EVC2: variants seen among roughly 807,000 people sequenced by gnomAD.
EVC2 encodes EvC ciliary complex subunit 2, also known as limbin.
A neutral mutation model predicts 149.3 loss-of-function variants in EVC2; 148 were observed. The ratio of observed to expected loss-of-function variants is 0.99; its 90% confidence interval spans 0.87 to 1.14. EVC2 has a LOEUF of 1.14. Among genes scored for constraint, EVC2 ranks in the 50% most tolerant of loss-of-function variants. The probability of loss-of-function intolerance (pLI) is 0.00; values close to 1 mark genes in which losing one functional copy is unlikely to be tolerated. For synonymous variants in EVC2, 776 were observed against 649.9 expected, an observed-to-expected ratio of 1.19 and a Z score of -2.95; for missense variants, 1,854 against 1,627.3, an observed-to-expected ratio of 1.14 and a Z score of -2.40.
chr4:5,682,186 C>T (rs973130958), intron 6 of EVC2, among the ~76,000 whole-genome samples: 17 of 152,156 alleles, frequency 1.1e-4, no homozygotes, highest in African/African-American at 4.1e-4. Flanking sequence ...TTAGCAGCAG[C>T]AGCAGCAGTA....
At chr4:5,706,433 G>GATAC (rs1176277863) in intron 1 of EVC2, among the ~76,000 whole-genome samples, 308 of 25,710 alleles carry the variant, frequency 0.012, 6 homozygotes, top group East Asian at 0.045. Flanking sequence ...TAGATACATA[G>GATAC]ATAGATAGAT....
chr4:5,664,081 T>C (rs532363313), intron 8 of EVC2, among the ~76,000 whole-genome samples: 1 of 152,336 alleles, frequency 6.6e-6, no homozygotes, highest in East Asian at 1.9e-4. Context: ...TTAACAATTC[T>C]TGTCCCTGTG....
the EVC2 span, among the ~76,000 whole-genome samples, chr4:5,529,124 C>A: frequency 2.6e-5 from 4 of 152,134 alleles, no homozygotes; most frequent in Admixed American, 1.3e-4. The surrounding 1 kb of genome is among the most constrained non-coding windows in gnomAD (Gnocchi z 4.5). Context: ...TGCCTCCTTG[C>A]TGAATGGGGC....
chr4:5,579,614 G>C (rs900918886), intron 17 of EVC2, among the ~76,000 whole-genome samples: 1 of 152,212 alleles, frequency 6.6e-6, no homozygotes, highest in African/African-American at 2.4e-5. Context: ...GGCCAAGGTG[G>C]GAGGATCACT....
chr4:5,668,593 G>T (rs1046399178), intron 7 of EVC2, among the ~76,000 whole-genome samples: 1 of 152,126 alleles, frequency 6.6e-6, no homozygotes. Context: ...TTGCATGGAG[G>T]TTATGTCAAA....
chr4:5,678,133 T>C (rs964582901), intron 7 of EVC2, among the ~76,000 whole-genome samples: 24 of 152,148 alleles, frequency 1.6e-4, no homozygotes, highest in African/African-American at 5.8e-4. Context: ...TTTGGGAGGG[T>C]TTCCACTATT....
chr4:5,708,035 C>T (rs961488854), intron 1 of EVC2: 3 of 397,432 alleles, frequency 7.5e-6, no homozygotes, highest in African/African-American at 4.2e-5. Flanking sequence ...AAATGGAGAG[C>T]AGGATTCGAA....
chr4:5,622,545 C>G lies in EVC2; in HGVS notation c.2493G>C (p.Leu831=). The change falls in exon 14 of 22, where the codon CTG becomes CTC. Residue 831 remains leucine, a synonymous_variant. Transcript: ENST00000344408. The surrounding 1 kb of genome is among the most constrained non-coding windows in gnomAD (Gnocchi z 5.8). The stretch of plus-strand genomic sequence containing the variant: ...CCCGCAAAGGCACTCACATGAAGAT[C>G]AGGTGCTCCCAGCGTCGCAGCTCTG... ...EQAELRRWEH[L]IFMKLCSSVF... 1 of 1,613,768 alleles carries G rather than the reference C, an allele frequency of 6.2e-7. No homozygotes were observed. The highest frequency in any genetic ancestry group is 8.5e-7 in the Non-Finnish European group (1 of 1,179,894).
intron 17 of EVC2, among the ~76,000 whole-genome samples, chr4:5,584,321 G>A (rs1712073407): frequency 1.3e-5 from 2 of 152,168 alleles, no homozygotes; most frequent in Admixed American, 1.3e-4. Flanking sequence ...CTAATAGGAA[G>A]ATACACTGTT....
Position 5,613,041 on chromosome 4 carries a change from G to A in EVC2, c.2829+2381C>T, listed in dbSNP as rs1714976013. On this transcript the variant is annotated intron_variant, in intron 16 of 21. Transcript: ENST00000344408. This position sits in a 1 kb window ranked among gnomAD's most constrained non-coding sequence, Gnocchi z 4.6. Reference sequence around the variant, plus strand: ...GAGGTCCAGCCTTGAGCCACTGGGTGGGAGCGGTGCGGTCTGCACCTGATG... The same window carrying A: ...GAGGTCCAGCCTTGAGCCACTGGGTAGGAGCGGTGCGGTCTGCACCTGATG... 3.3e-5 allele frequency among the ~76,000 whole-genome samples: 5 copies of A among 152,096 alleles called. No individual in the cohort carries two copies. Among genetic ancestry groups the A allele is most frequent in the Admixed American group, 3.3e-4 (5 of 15,272 alleles).
rs1715035013 is a variant in EVC2, at chr4:5,613,818, C to T, written c.2829+1604G>A. Among the ~76,000 whole-genome samples the T allele has an allele frequency of 6.6e-6, 1 of 152,072 alleles. No individual in the cohort carries two copies. Among genetic ancestry groups the T allele is most frequent in the African/African-American group, 2.4e-5 (1 of 41,392 alleles). On this transcript the variant is annotated intron_variant, in intron 16 of 21. Coordinates refer to ENST00000344408, the MANE Select transcript of EVC2 (RefSeq NM_147127.5). This position sits in a 1 kb window ranked among gnomAD's most constrained non-coding sequence, Gnocchi z 4.6. ...CTTGCTGTTCAATTTCATATAGAACCTGGGTGAGAATAGGGTTGCCACTTC... is the reference window on the plus strand; with the variant it reads ...CTTGCTGTTCAATTTCATATAGAACTTGGGTGAGAATAGGGTTGCCACTTC...
chr4:5,622,933 T>A lies in EVC2; in HGVS notation c.2105A>T (p.Asp702Val). The A allele has an allele frequency of 6.2e-7, 1 of 1,614,146 alleles. No homozygotes were observed. Among genetic ancestry groups the A allele is most frequent in the South Asian group, 1.1e-5 (1 of 91,070 alleles). The change falls in exon 14 of 22, where the codon GAT becomes GTT. Residue 702 changes from aspartate (D) to valine (V), a missense_variant. By Grantham distance (152) the Asp-to-Val change is radical (BLOSUM62 -3). Coordinates refer to ENST00000344408, the MANE Select transcript of EVC2 (RefSeq NM_147127.5). The surrounding 1 kb of genome is among the most constrained non-coding windows in gnomAD (Gnocchi z 5.8). ...CTTCTGGTGCAGGTACTGGCCGGCA[T>A]CCTCAACCGTTCGGAAGGCCTCGCC... ...SVGEAFRTVE[D>V]AGQYLHQKRS...
chr4:5,706,427 T>TAGAC (rs1321618851), intron 1 of EVC2, among the ~76,000 whole-genome samples: 45 of 103,346 alleles, frequency 4.4e-4, no homozygotes, highest in Middle Eastern at 5.4e-3. Context: ...GATAGATAGA[T>TAGAC]ACATAGATAG....
At chr4:5,532,640 T>C in the EVC2 span, among the ~76,000 whole-genome samples, 36 of 152,276 alleles carry the variant, frequency 2.4e-4, no homozygotes, top group African/African-American at 6.7e-4. Context: ...CTGACTGTCC[T>C]TGTCCTCTCC....
intron 17 of EVC2, among the ~76,000 whole-genome samples, chr4:5,578,851 G>A (rs1711516605): frequency 6.6e-6 from 1 of 152,162 alleles, no homozygotes; most frequent in Admixed American, 6.5e-5. Context: ...TACGGGAGCT[G>A]GAAGAGACCA....
At chr4:5,674,390 T>A (rs1224838824) in intron 7 of EVC2, among the ~76,000 whole-genome samples, 4 of 152,152 alleles carry the variant, frequency 2.6e-5, no homozygotes, top group African/African-American at 9.7e-5. Context: ...GACAAGAGGT[T>A]TTTAAAATGA....
chr4:5,694,032 T>C (rs1172580894), intron 3 of EVC2, among the ~76,000 whole-genome samples: 1 of 152,208 alleles, frequency 6.6e-6, no homozygotes, highest in African/African-American at 2.4e-5. Flanking sequence ...ACAGTCATCT[T>C]TAATAGCTGG....
rs1716893516 is a variant in EVC2, at chr4:5,636,406, T to A, written c.1470+4108A>T. The stretch of plus-strand genomic sequence containing the variant: ...ATATAACCACCTGCAGGTCAAAAAT[T>A]TCTGTGTGTATTGAACACATACAGA... On this transcript the variant is annotated intron_variant, in intron 10 of 21. Transcript: ENST00000344408. This position sits in a 1 kb window ranked among gnomAD's most constrained non-coding sequence, Gnocchi z 4.6. Among the ~76,000 whole-genome samples, 1 of 152,358 alleles carries A rather than the reference T, an allele frequency of 6.6e-6. No individual in the cohort carries two copies. Among genetic ancestry groups the A allele is most frequent in the East Asian group, 1.9e-4 (1 of 5,190 alleles).
At chr4:5,681,156 G>C (rs1165614575) in intron 7 of EVC2, 104 bp downstream of exon 7, 1 of 1,329,168 alleles carries the variant, frequency 7.5e-7, no homozygotes, top group African/African-American at 1.4e-5. Context: ...ATAACTGGGG[G>C]ACCAAGGCCA....
Sources: allele counts gnomAD v4.1 joint callset (sites outside exome capture counted in the v4.1 genomes callset), GRCh38; gene constraint gnomAD v4.1.1; non-coding constraint Gnocchi (gnomAD v3.1); transcripts MANE v1.5; gene names NCBI Gene and HGNC (gene_info 2026-07-23, HGNC 2026-07-21).